SHANK2: variants seen among roughly 807,000 people sequenced by gnomAD.
SHANK2 encodes the protein SH3 and multiple ankyrin repeat domains 2, also known as SH3 and multiple ankyrin repeat domains protein 2.
In SHANK2, 43 loss-of-function variants were observed where a neutral mutation model predicts 133.7. The observed-to-expected ratio is 0.32, with a 90% confidence interval of 0.25 to 0.41. The LOEUF (loss-of-function observed/expected upper bound fraction) is 0.41, where lower values mean the gene tolerates loss of function less well. Among genes scored for constraint, SHANK2 ranks in the 10% least tolerant of loss-of-function variants. The probability of loss-of-function intolerance (pLI) is 1.00; values close to 1 mark genes in which losing one functional copy is unlikely to be tolerated. For missense variants in SHANK2, 1,994 were observed against 2,235.8 expected, an observed-to-expected ratio of 0.89 and a Z score of 2.18; for synonymous variants, 1,017 against 952.8, an observed-to-expected ratio of 1.07 and a Z score of -1.24.
At position 70,872,953 on chromosome 11, in the gene SHANK2, G is replaced by A. The variant is rs547159583; in HGVS notation, c.1174+23548C>T. 8.5e-6 allele frequency: 4 copies of A among 468,888 alleles called. No individual in the cohort carries two copies. In the East Asian group the frequency reaches 2.8e-4, roughly 33 times the overall value. 29.0% of individuals were successfully genotyped at this position (468,888 alleles called of 1,614,324 possible). ...CTGTCTGCCCTCTCCCCACACTCATGACCTCCACCTCCCCCAGCCCCAAAC... is the reference window on the plus strand; with the variant it reads ...CTGTCTGCCCTCTCCCCACACTCATAACCTCCACCTCCCCCAGCCCCAAAC... On this transcript the variant is annotated intron_variant, in intron 11 of 25. Coordinates refer to ENST00000601538, the MANE Select transcript of SHANK2 (RefSeq NM_012309.5).
intron 14 of SHANK2, among the ~76,000 whole-genome samples, chr11:70,749,657 G>A (rs1351132755): frequency 2.6e-5 from 4 of 152,142 alleles, no homozygotes; most frequent in Admixed American, 2.0e-4. Context: ...TAAATGTGGT[G>A]AACATTTTCA....
Position 71,085,740 on chromosome 11 carries a change from TATATA to T in SHANK2, c.912+6677_912+6681del, listed in dbSNP as rs1298992023. 8.5e-3 allele frequency among the ~76,000 whole-genome samples: 648 copies of T among 76,328 alleles called. 14 individuals carry two copies. Among genetic ancestry groups the T allele is most frequent in the Middle Eastern group, 0.019 (1 of 52 alleles). The allele number at this position is 76,328 out of a possible 152,430, so 50.1% of individuals were successfully genotyped here. ...TTATATTATATAAAATATAATATAT[TATATA>T]ATATATTATGTTATATAATATATAT... On this transcript the variant is annotated intron_variant, in intron 8 of 25. Coordinates refer to ENST00000601538, the MANE Select transcript of SHANK2 (RefSeq NM_012309.5).
At position 70,739,121 on chromosome 11, in the gene SHANK2, C is replaced by T. The variant is rs1316426873; in HGVS notation, c.1778-40358G>A. Among the ~76,000 whole-genome samples the T allele has an allele frequency of 5.3e-5, 8 of 152,202 alleles. No individual in the cohort carries two copies. The highest frequency in any genetic ancestry group is 1.0e-4 in the Non-Finnish European group (7 of 68,036). ...GGACACACTCCACTTTATCTCCTGG[C>T]CAGTGAGTTAGGCAGGTGGCATGGC... On this transcript the variant is annotated intron_variant, in intron 14 of 25. Coordinates refer to ENST00000601538, the MANE Select transcript of SHANK2 (RefSeq NM_012309.5). The surrounding 1 kb of genome is among the most constrained non-coding windows in gnomAD (Gnocchi z 4.3).
At position 71,143,847 on chromosome 11, in the gene SHANK2, C is replaced by T. The variant is rs544335116; in HGVS notation, c.207+3273G>A. On this transcript the variant is annotated intron_variant, in intron 3 of 25. Coordinates refer to ENST00000601538, the MANE Select transcript of SHANK2 (RefSeq NM_012309.5). ...CTTGTAGGAATCGAACACTGCACTTCCTCTGGGAGCAATGGCCAAGGCGTC... is the reference window on the plus strand; with the variant it reads ...CTTGTAGGAATCGAACACTGCACTTTCTCTGGGAGCAATGGCCAAGGCGTC... 2.5e-4 allele frequency among the ~76,000 whole-genome samples: 38 copies of T among 152,054 alleles called. No individual in the cohort carries two copies. In the South Asian group the frequency reaches 7.9e-3, roughly 32 times the overall value.
rs114354325 is a variant in SHANK2, at chr11:71,177,809, G to A, written c.-12-30471C>T. Among the ~76,000 whole-genome samples the A allele has an allele frequency of 5.4e-3, 828 of 152,034 alleles. 5 individuals are homozygous for A. Among genetic ancestry groups the A allele is most frequent in the African/African-American group, 0.019 (786 of 41,478 alleles). On this transcript the variant is annotated intron_variant, in intron 2 of 25. Transcript: ENST00000601538. ...AAATATGCAAATCGCAAATAAGCAC[G>A]TGAAAAAAACATCCAACAGCATTAG...
At chr11:71,105,829 G>A (rs557490993) in intron 6 of SHANK2, among the ~76,000 whole-genome samples, 4 of 152,190 alleles carry the variant, frequency 2.6e-5, no homozygotes, top group South Asian at 2.1e-4. Context: ...TGTAAGCTCC[G>A]GACTTGAGGA....
At chr11:70,671,936 G>A (rs919880526) in intron 15 of SHANK2, among the ~76,000 whole-genome samples, 1 of 152,060 alleles carries the variant, frequency 6.6e-6, no homozygotes, top group African/African-American at 2.4e-5. Context: ...AGTACCATGA[G>A]TATCTCTATT....
chr11:70,864,188 C>T, intron 11 of SHANK2: 1 of 199,664 alleles, frequency 5.0e-6, no homozygotes, highest in Non-Finnish European at 1.0e-5. Context: ...AAAGGGAAAA[C>T]CAGCTTCTGT....
At chr11:70,626,545 G>T (rs1555000026) in intron 17 of SHANK2, among the ~76,000 whole-genome samples, 1 of 152,204 alleles carries the variant, frequency 6.6e-6, no homozygotes, top group Non-Finnish European at 1.5e-5. Context: ...AAGATGGACA[G>T]CTCTAGTCCT....
intron 11 of SHANK2, among the ~76,000 whole-genome samples, chr11:70,832,092 A>G (rs2921332): frequency 0.66 from 99,855 of 152,154 alleles, 33,224 homozygotes; most frequent in South Asian, 0.81. Context: ...CTGTGAGCCC[A>G]GAGAAGTCCC....
chr11:70,664,947 G>C (rs113500683), intron 15 of SHANK2, among the ~76,000 whole-genome samples: 1 of 152,152 alleles, frequency 6.6e-6, no homozygotes, highest in Non-Finnish European at 1.5e-5. Flanking sequence ...GCTGGAGGCC[G>C]TGGAGTCGTG....
At chr11:71,105,611 A>G (rs1010582264) in intron 6 of SHANK2, among the ~76,000 whole-genome samples, 9 of 149,584 alleles carry the variant, frequency 6.0e-5, no homozygotes, top group Non-Finnish European at 8.9e-5. Context: ...AAAAAAAAAA[A>G]AAAGAAAGGG....
intron 17 of SHANK2, among the ~76,000 whole-genome samples, chr11:70,650,960 A>C (rs2061332694): frequency 6.6e-6 from 1 of 152,226 alleles, no homozygotes; most frequent in African/African-American, 2.4e-5. Context: ...AATTGCCACC[A>C]TTTGTTGAGA....
chr11:71,213,250 T>C (rs1336820386), intron 2 of SHANK2, among the ~76,000 whole-genome samples: 1 of 152,088 alleles, frequency 6.6e-6, no homozygotes, highest in Non-Finnish European at 1.5e-5. Context: ...GAGGCAGATA[T>C]TTCCCACACG....
At chr11:70,874,155 C>A (rs551527812) in intron 11 of SHANK2, among the ~76,000 whole-genome samples, 6 of 152,138 alleles carry the variant, frequency 3.9e-5, no homozygotes, top group African/African-American at 1.2e-4. Flanking sequence ...CTATCCATAT[C>A]TATCTAATCT....
chr11:70,581,233 C>T (rs1454749814), intron 17 of SHANK2, among the ~76,000 whole-genome samples: 1 of 152,218 alleles, frequency 6.6e-6, no homozygotes, highest in Non-Finnish European at 1.5e-5. Context: ...AAACCACAAA[C>T]CTGACTGGCT....
At chr11:70,810,773 T>C (rs1312387825) in intron 12 of SHANK2, among the ~76,000 whole-genome samples, 4 of 152,102 alleles carry the variant, frequency 2.6e-5, no homozygotes, top group Non-Finnish European at 4.4e-5. Flanking sequence ...AATGAGAAAA[T>C]GCAGATGAGA....
At chr11:71,084,609 C>T (rs1330875241) in intron 8 of SHANK2, among the ~76,000 whole-genome samples, 2 of 152,214 alleles carry the variant, frequency 1.3e-5, no homozygotes, top group Admixed American at 6.5e-5. Flanking sequence ...AGCCTGAGAG[C>T]TCGGAGGTGC....
In SHANK2 at chr11:71,085,970, TA is replaced by T. The variant is rs1951396798; in HGVS notation, c.912+6451del. On this transcript the variant is annotated intron_variant, in intron 8 of 25. Coordinates refer to ENST00000601538, the MANE Select transcript of SHANK2 (RefSeq NM_012309.5). ...GTTATATATATTATGTTATATATTATATATATTATGTTATATATTATATTAT... is the reference window on the plus strand; with the variant it reads ...GTTATATATATTATGTTATATATTATTATATTATGTTATATATTATATTAT... Among the ~76,000 whole-genome samples, 144 of 38,310 alleles carry T rather than the reference TA, an allele frequency of 3.8e-3. 1 individual carries two copies. Among genetic ancestry groups the T allele is most frequent in the African/African-American group, 0.012 (128 of 10,772 alleles). 25.1% of individuals were successfully genotyped at this position (38,310 alleles called of 152,430 possible).
Sources: gnomAD v4.1 joint callset for allele counts (sites outside exome capture counted in the v4.1 genomes callset) on GRCh38, gnomAD v4.1.1 for gene constraint, Gnocchi (gnomAD v3.1) non-coding constraint, MANE v1.5 for transcripts, NCBI Gene and HGNC (gene_info 2026-07-23, HGNC 2026-07-21) for gene names.